The following GRID2 variants were observed in gnomAD, a reference collection of about 807,000 sequenced individuals.
GRID2 encodes the protein glutamate ionotropic receptor delta type subunit 2.
In GRID2, 33 loss-of-function variants were observed where a neutral mutation model predicts 114.8. The observed-to-expected ratio is 0.29, with a 90% CI of 0.22 to 0.38. GRID2 has a LOEUF of 0.38. GRID2 is among the 10% of genes least tolerant of loss of function. The pLI is 1.00. For missense variants in GRID2, 1,184 were observed against 1,257.7 expected, an observed-to-expected ratio of 0.94 and a Z score of 0.89; for synonymous variants, 505 against 449.9, an observed-to-expected ratio of 1.12 and a Z score of -1.55.
intron 3 of GRID2, among the ~76,000 whole-genome samples, chr4:93,107,191 C>CAGG (rs1732320313): frequency 6.6e-6 from 1 of 152,062 alleles, no homozygotes; most frequent in African/African-American, 2.4e-5. Context: ...CTCAGCTGCT[C>CAGG]AGGAGGCTGA....
chr4:93,702,830 G>T (rs972869283), intron 14 of GRID2, among the ~76,000 whole-genome samples: 11 of 152,126 alleles, frequency 7.2e-5, no homozygotes, highest in African/African-American at 2.4e-4. Context: ...AATGCAGTTT[G>T]CATTCTAATG....
At chr4:93,322,592 T>C (rs1757354847) in intron 8 of GRID2, among the ~76,000 whole-genome samples, 1 of 152,204 alleles carries the variant, frequency 6.6e-6, no homozygotes, top group Non-Finnish European at 1.5e-5. Flanking sequence ...AAATGGTAAT[T>C]CTAGTTCTAG....
chr4:92,597,884 T>C (rs145839507), intron 2 of GRID2, among the ~76,000 whole-genome samples: 5 of 152,338 alleles, frequency 3.3e-5, no homozygotes, highest in African/African-American at 9.6e-5. Flanking sequence ...TAAGTTCATG[T>C]TGACAAACCA....
Position 93,381,959 on chromosome 4 carries a change from T to A in GRID2, c.1246-13648T>A, listed in dbSNP as rs570270013. On this transcript the variant is annotated intron_variant, in intron 8 of 15. Transcript: ENST00000282020. ...CTAGTGTTAACAAACTCCTCTCAAC[T>A]TTTGTATACCTAGAAATGCCTTAAT... 2.6e-5 allele frequency among the ~76,000 whole-genome samples: 4 copies of A among 152,236 alleles called. No homozygotes were observed. The East Asian group carries it at 7.7e-4, about 29-fold the overall frequency.
intron 2 of GRID2, among the ~76,000 whole-genome samples, chr4:92,926,409 T>C (rs1011957869): frequency 1.3e-5 from 2 of 151,966 alleles, no homozygotes; most frequent in Admixed American, 1.3e-4. Context: ...GAGTGACCCA[T>C]TACATACAAT....
At chr4:92,880,780 GACGC>G (rs1419084410) in intron 2 of GRID2, among the ~76,000 whole-genome samples, 1 of 152,150 alleles carries the variant, frequency 6.6e-6, no homozygotes, top group Non-Finnish European at 1.5e-5. Context: ...GGAGTGCAAT[GACGC>G]TATCTTGGCT....
At position 93,427,772 on chromosome 4, in the gene GRID2, A is replaced by C. The variant is rs576577614; in HGVS notation, c.1545+4804A>C. Among the ~76,000 whole-genome samples the C allele has an allele frequency of 3.3e-5, 5 of 152,170 alleles. No individual in the cohort carries two copies. The South Asian group carries it at 1.0e-3, about 32-fold the overall frequency. ...TATTTAAAAACTAATAATATAGTAA[A>C]GTCTCCTCAAGTCCTTCTCTGCCTC... On this transcript the variant is annotated intron_variant, in intron 10 of 15. Transcript: ENST00000282020.
chr4:92,409,070 G>T (rs970390858), intron 1 of GRID2, among the ~76,000 whole-genome samples: 1 of 150,680 alleles, frequency 6.6e-6, no homozygotes, highest in African/African-American at 2.5e-5. Flanking sequence ...GAATGCCTGA[G>T]GTTTCTCCCA....
chr4:92,826,745 A>T (rs1417285928), intron 2 of GRID2, among the ~76,000 whole-genome samples: 1 of 152,158 alleles, frequency 6.6e-6, no homozygotes, highest in African/African-American at 2.4e-5. Context: ...CTTTTGTACA[A>T]AACCTTATAT....
intron 2 of GRID2, among the ~76,000 whole-genome samples, chr4:93,030,081 C>CA (rs1383428815): frequency 1.3e-5 from 2 of 152,114 alleles, no homozygotes; most frequent in Non-Finnish European, 2.9e-5. Context: ...AATACTATTA[C>CA]TATTGAAAAG....
At chr4:93,447,825 A>G (rs1722231704) in intron 10 of GRID2, among the ~76,000 whole-genome samples, 1 of 151,984 alleles carries the variant, frequency 6.6e-6, no homozygotes, top group Non-Finnish European at 1.5e-5. Context: ...ACATACAAAA[A>G]AAGAAAAAAC....
intron 14 of GRID2, among the ~76,000 whole-genome samples, chr4:93,716,012 T>A (rs1276344650): frequency 1.3e-5 from 2 of 152,160 alleles, no homozygotes; most frequent in Non-Finnish European, 2.9e-5. Context: ...GTGCCAGTTA[T>A]CAAGGGGAAT....
intron 10 of GRID2, among the ~76,000 whole-genome samples, chr4:93,432,956 G>A (rs989432032): frequency 6.6e-6 from 1 of 152,112 alleles, no homozygotes; most frequent in Non-Finnish European, 1.5e-5. Flanking sequence ...TCTAGTCCGA[G>A]CTGTTGAGGA....
At chr4:92,914,245 T>C (rs2149493940) in intron 2 of GRID2, among the ~76,000 whole-genome samples, 1 of 152,248 alleles carries the variant, frequency 6.6e-6, no homozygotes, top group South Asian at 2.1e-4. Flanking sequence ...AGATTGTGCA[T>C]GGACATTTTT....
intron 14 of GRID2, among the ~76,000 whole-genome samples, chr4:93,661,864 T>G (rs1206796584): frequency 6.6e-6 from 1 of 152,142 alleles, no homozygotes. Context: ...AAACCGTAAG[T>G]GAGATCATGG....
At chr4:93,689,608 C>T (rs1726368826) in intron 14 of GRID2, among the ~76,000 whole-genome samples, 1 of 151,894 alleles carries the variant, frequency 6.6e-6, no homozygotes, top group African/African-American at 2.4e-5. Flanking sequence ...CTCTTTGTTC[C>T]ATCCCAAAAG....
chr4:93,265,866 A>C (rs529157945), intron 8 of GRID2, among the ~76,000 whole-genome samples: 23 of 152,172 alleles, frequency 1.5e-4, no homozygotes, highest in African/African-American at 5.1e-4. Context: ...GTACCCCATC[A>C]TTTCTTGTTG....
intron 2 of GRID2, among the ~76,000 whole-genome samples, chr4:92,614,299 T>C (rs1729898965): frequency 6.6e-6 from 1 of 151,618 alleles, no homozygotes; most frequent in African/African-American, 2.4e-5. Flanking sequence ...TTTTTCTGTC[T>C]TAAGTTAGCA....
intron 8 of GRID2, among the ~76,000 whole-genome samples, chr4:93,282,874 C>A (rs951546069): frequency 5.3e-5 from 8 of 152,036 alleles, no homozygotes; most frequent in South Asian, 2.1e-4. Flanking sequence ...AGGCATGTCA[C>A]AAACAAGAGG....
Sources: allele counts gnomAD v4.1 joint callset (sites outside exome capture counted in the v4.1 genomes callset), GRCh38; gene constraint gnomAD v4.1.1; transcripts MANE v1.5; gene names NCBI Gene and HGNC (gene_info 2026-07-23, HGNC 2026-07-21).